The following IGF1R variants were observed in gnomAD, a reference collection of about 807,000 sequenced individuals.
IGF1R encodes the protein insulin like growth factor 1 receptor.
A neutral mutation model predicts 144.6 loss-of-function variants in IGF1R; 44 were observed. The observed-to-expected ratio is 0.30, with a 90% confidence interval of 0.24 to 0.39. The LOEUF is 0.39. Among genes scored for constraint, IGF1R ranks in the 10% least tolerant of loss-of-function variants. The pLI, the probability that IGF1R is intolerant of heterozygous loss-of-function variation, is 1.00. For missense variants in IGF1R, 1,355 were observed against 1,833.7 expected, an observed-to-expected ratio of 0.74 and a Z score of 4.77; for synonymous variants, 795 against 722.8, an observed-to-expected ratio of 1.10 and a Z score of -1.60.
intron 2 of IGF1R, among the ~76,000 whole-genome samples, chr15:98,764,901 A>G (rs778565639): frequency 1.2e-4 from 19 of 152,292 alleles, no homozygotes; most frequent in East Asian, 3.9e-4. Flanking sequence ...TGCCATCTCT[A>G]TCTAGTTCCA....
chr15:98,879,933 C>G (rs1484805214), intron 2 of IGF1R, among the ~76,000 whole-genome samples: 1 of 152,160 alleles, frequency 6.6e-6, no homozygotes, highest in African/African-American at 2.4e-5. Flanking sequence ...ATAGGCAAAT[C>G]TATAGCGACG....
chr15:98,897,923 ATT>A (rs5814911), intron 4 of IGF1R, among the ~76,000 whole-genome samples: 1 of 146,372 alleles, frequency 6.8e-6, no homozygotes, highest in Admixed American at 6.8e-5. Context: ...TTTATGAAGA[ATT>A]TTTTTTTTTT....
Position 98,959,946 on chromosome 15 carries a change from T to G in IGF1R, c.*2504T>G. 1 of 231,922 alleles carries G rather than the reference T, an allele frequency of 4.3e-6. No individual in the cohort carries two copies. The highest frequency in any genetic ancestry group is 8.5e-6 in the Non-Finnish European group (1 of 117,836). 14.4% of individuals were successfully genotyped at this position (231,922 alleles called of 1,614,324 possible). A position where few individuals can be genotyped will look rare whatever the true frequency, so the allele number is the denominator to read the frequency against. On this transcript the variant is annotated 3_prime_UTR_variant, in exon 21 of 21. Coordinates refer to ENST00000650285, the MANE Select transcript of IGF1R (RefSeq NM_000875.5). ...TTCAATCACTGTAGAAAAGCCCCATTATGAATTTAAATTTCAAGGAAAGGG... is the reference window on the plus strand; with the variant it reads ...TTCAATCACTGTAGAAAAGCCCCATGATGAATTTAAATTTCAAGGAAAGGG...
At chr15:98,903,616 A>G (rs1404681774) in intron 5 of IGF1R, among the ~76,000 whole-genome samples, 1 of 152,174 alleles carries the variant, frequency 6.6e-6, no homozygotes, top group East Asian at 1.9e-4. Flanking sequence ...GCCTCCCGGG[A>G]TTCCCCCGAC....
intron 1 of IGF1R, among the ~76,000 whole-genome samples, chr15:98,663,469 C>G (rs2052648066): frequency 6.6e-6 from 1 of 152,186 alleles, no homozygotes; most frequent in Non-Finnish European, 1.5e-5. Context: ...GAACTGTCAC[C>G]TTTATTAGGG....
intron 1 of IGF1R, among the ~76,000 whole-genome samples, chr15:98,661,079 G>A (rs1411117849): frequency 7.6e-6 from 1 of 132,420 alleles, no homozygotes; most frequent in Non-Finnish European, 1.8e-5. Flanking sequence ...ATACTAGGCA[G>A]AGAGAGAGAT....
intron 2 of IGF1R, among the ~76,000 whole-genome samples, chr15:98,747,206 G>GTTGTTGT (rs112970502): frequency 1.3e-5 from 2 of 151,610 alleles, no homozygotes; most frequent in East Asian, 1.9e-4. Flanking sequence ...TGTTGTTGTT[G>GTTGTTGT]TGTTTTTGAG....
At chr15:98,725,964 C>T (rs1201485376) in intron 2 of IGF1R, among the ~76,000 whole-genome samples, 1 of 152,168 alleles carries the variant, frequency 6.6e-6, no homozygotes, top group Non-Finnish European at 1.5e-5. Context: ...TGGGTCCTTC[C>T]CATAACACAT....
intron 5 of IGF1R, among the ~76,000 whole-genome samples, chr15:98,902,906 T>C (rs1053292826): frequency 9.9e-5 from 15 of 152,126 alleles, no homozygotes; most frequent in African/African-American, 3.6e-4. Context: ...TCCTGAGCCA[T>C]CCAGAACAGA....
chr15:98,958,509 A>G lies in IGF1R; in HGVS notation c.*1067A>G. On this transcript the variant is annotated 3_prime_UTR_variant, in exon 21 of 21. Transcript: ENST00000650285. ...CAAGGAAAGAAATTCAAACACCACA[A>G]CAGCAGTAAGAAGAAAAGCAGTCAA... 1 of 232,448 alleles carries G rather than the reference A, an allele frequency of 4.3e-6. No individual in the cohort carries two copies. The highest frequency in any genetic ancestry group is 8.5e-6 in the Non-Finnish European group (1 of 117,282). 14.4% of individuals were successfully genotyped at this position (232,448 alleles called of 1,614,324 possible).
At chr15:98,809,365 G>T (rs2056536152) in intron 2 of IGF1R, among the ~76,000 whole-genome samples, 1 of 152,196 alleles carries the variant, frequency 6.6e-6, no homozygotes, top group African/African-American at 2.4e-5. Flanking sequence ...GCCTGCAAGG[G>T]CTTCCTTCTG....
intron 5 of IGF1R, among the ~76,000 whole-genome samples, chr15:98,907,044 G>T (rs1481201174): frequency 6.6e-6 from 1 of 152,214 alleles, no homozygotes; most frequent in Non-Finnish European, 1.5e-5. Flanking sequence ...AGGGAGCTTA[G>T]ATGTCACCTG....
rs1247717553 is a variant in IGF1R at position 98,911,333 on chromosome 15, A to T, written c.1481A>T (p.His494Leu). Residue 494 changes from histidine to leucine, a missense_variant, in exon 7 of 21, where the codon CAT becomes CTT. By Grantham distance (99) the His-to-Leu change is moderately conservative (BLOSUM62 -3). Transcript: ENST00000650285. The part of the protein sequence containing the change: ...ERASCESDVL[H>L]FTSTTTSKNR... ...GCCCCAGGTGAAAGTGACGTCCTGC[A>T]TTTCACCTCCACCACCACGTCGAAG... 9 of 1,614,098 alleles carry T rather than the reference A, an allele frequency of 5.6e-6. No individual in the cohort carries two copies. The highest frequency in any genetic ancestry group is 7.6e-6 in the Non-Finnish European group (9 of 1,180,008).
chr15:98,866,204 G>C (rs1451145513), intron 2 of IGF1R, among the ~76,000 whole-genome samples: 2 of 152,160 alleles, frequency 1.3e-5, no homozygotes, highest in East Asian at 3.9e-4. Flanking sequence ...GGACGCTCCT[G>C]CCGTCCACAG....
intron 5 of IGF1R, among the ~76,000 whole-genome samples, chr15:98,902,282 T>C (rs2014519120): frequency 6.6e-6 from 1 of 152,110 alleles, no homozygotes; most frequent in African/African-American, 2.4e-5. Context: ...GCTTTATCCC[T>C]TCATTTCTTC....
intron 18 of IGF1R, among the ~76,000 whole-genome samples, chr15:98,940,551 G>A (rs370355661): frequency 2.6e-5 from 4 of 152,278 alleles, no homozygotes; most frequent in East Asian, 1.9e-4. Flanking sequence ...TTACAGGCGC[G>A]TGCCACCACA....
rs144698966 is a variant in IGF1R, at chr15:98,688,643, C to T, written c.95-18919C>T. Reference sequence around the variant, plus strand: ...GAATTTTGAGAAAGTCACCCAATTGCTCTTAAGTCCTCATTTTTTTTTTTA... The same window carrying T: ...GAATTTTGAGAAAGTCACCCAATTGTTCTTAAGTCCTCATTTTTTTTTTTA... On this transcript the variant is annotated intron_variant, in intron 1 of 20. Coordinates refer to ENST00000650285, the MANE Select transcript of IGF1R (RefSeq NM_000875.5). Among the ~76,000 whole-genome samples, 651 of 151,920 alleles carry T rather than the reference C, an allele frequency of 4.3e-3. 5 individuals carry two copies. The highest frequency in any genetic ancestry group is 0.024 in the Middle Eastern group (7 of 294).
At chr15:98,928,399 T>C (rs2015808998) in intron 13 of IGF1R, among the ~76,000 whole-genome samples, 2 of 152,120 alleles carry the variant, frequency 1.3e-5, no homozygotes, top group African/African-American at 4.8e-5. Context: ...TACTGCCAGG[T>C]CCCTCCGTCT....
intron 1 of IGF1R, among the ~76,000 whole-genome samples, chr15:98,680,843 G>T (rs991796688): frequency 6.6e-4 from 98 of 148,846 alleles, no homozygotes; most frequent in African/African-American, 2.3e-3. Context: ...GAGATTATAG[G>T]TGTGAGCCTG....
Sources: gnomAD v4.1 joint callset for allele counts (sites outside exome capture counted in the v4.1 genomes callset) on GRCh38, gnomAD v4.1.1 for gene constraint, MANE v1.5 for transcripts, NCBI Gene and HGNC (gene_info 2026-07-23, HGNC 2026-07-21) for gene names.